The following CREB5 variants were observed in gnomAD, a reference collection of about 807,000 sequenced individuals.
CREB5 encodes the protein cyclic AMP-responsive element-binding protein 5.
A neutral mutation model predicts 57.1 loss-of-function variants in CREB5; 19 were observed. The observed-to-expected ratio is 0.33, with a 90% CI of 0.23 to 0.49. The LOEUF (loss-of-function observed/expected upper bound fraction) is 0.49, where lower values mean the gene tolerates loss of function less well. Among genes scored for constraint, CREB5 ranks in the 20% least tolerant of loss-of-function variants. The probability of loss-of-function intolerance (pLI) is 0.99; values close to 1 mark genes in which losing one functional copy is unlikely to be tolerated. For missense variants in CREB5, 579 were observed against 671.6 expected, an observed-to-expected ratio of 0.86 and a Z score of 1.52; for synonymous variants, 238 against 238.3, an observed-to-expected ratio of 1.00 and a Z score of 0.01.
chr7:28,581,448 A>G (rs1796121863), intron 5 of CREB5, among the ~76,000 whole-genome samples: 1 of 152,080 alleles, frequency 6.6e-6, no homozygotes, highest in African/African-American at 2.4e-5. Context: ...TCCAGACGTT[A>G]TTTTTCCCGT....
At chr7:28,744,624 A>G (rs1197439505) in intron 7 of CREB5, among the ~76,000 whole-genome samples, 1 of 152,120 alleles carries the variant, frequency 6.6e-6, no homozygotes, top group Non-Finnish European at 1.5e-5. Flanking sequence ...CTGGGATTAC[A>G]GGCATGAGCC....
intron 1 of CREB5, among the ~76,000 whole-genome samples, chr7:28,313,964 A>G (rs1320441085): frequency 6.6e-6 from 1 of 152,240 alleles, no homozygotes; most frequent in East Asian, 1.9e-4. Context: ...AAACATTGAC[A>G]CCACTGAAAA....
At chr7:28,560,891 T>TGCGCGCGTGC (rs1314317818) in intron 4 of CREB5, among the ~76,000 whole-genome samples, 1 of 19,726 alleles carries the variant, frequency 5.1e-5, no homozygotes, top group African/African-American at 2.2e-4. Flanking sequence ...TGCGTGCGTG[T>TGCGCGCGTGC]GTGTGCGTGC....
At chr7:28,374,245 T>G (rs893190243) in intron 1 of CREB5, among the ~76,000 whole-genome samples, 3 of 152,104 alleles carry the variant, frequency 2.0e-5, no homozygotes, top group African/African-American at 7.2e-5. Context: ...CGCACAGAAA[T>G]GGGAACCCTC....
intron 5 of CREB5, among the ~76,000 whole-genome samples, chr7:28,665,653 A>G (rs988665685): frequency 1.1e-4 from 17 of 152,176 alleles, no homozygotes; most frequent in Non-Finnish European, 1.5e-4. Flanking sequence ...TTGGCAGGAT[A>G]TAGGGGGAAC....
At chr7:28,815,460 C>T (rs1809382768) in intron 9 of CREB5, among the ~76,000 whole-genome samples, 1 of 152,118 alleles carries the variant, frequency 6.6e-6, no homozygotes, top group Admixed American at 6.5e-5. Context: ...GACTAAATGC[C>T]ACCAAAGTCA....
intron 5 of CREB5, among the ~76,000 whole-genome samples, chr7:28,718,102 T>G (rs1476997396): frequency 6.6e-6 from 1 of 152,200 alleles, no homozygotes; most frequent in Non-Finnish European, 1.5e-5. Context: ...TGAAACAGCC[T>G]AACACCTCGC....
Position 28,667,240 on chromosome 7 carries a change from C to T in CREB5, c.465-51513C>T, listed in dbSNP as rs899602226. Among the ~76,000 whole-genome samples, 5 of 151,102 alleles carry T rather than the reference C, an allele frequency of 3.3e-5. No individual in the cohort carries two copies. The South Asian group carries it at 8.4e-4, about 25-fold the overall frequency. On this transcript the variant is annotated intron_variant, in intron 5 of 10. Coordinates refer to ENST00000357727, the MANE Select transcript of CREB5 (RefSeq NM_182898.4). The stretch of plus-strand genomic sequence containing the variant: ...GAGCTGGAATGTCAATCAGAATTAT[C>T]AAGGATACTATTTATTGGCATGAGT...
At chr7:28,331,919 G>T (rs568082305) in intron 1 of CREB5, among the ~76,000 whole-genome samples, 11 of 151,324 alleles carry the variant, frequency 7.3e-5, no homozygotes, top group African/African-American at 2.7e-4. Context: ...GTAGTGAGTC[G>T]AATGATGACC....
chr7:28,806,192 C>T (rs996195874), intron 8 of CREB5, among the ~76,000 whole-genome samples: 3 of 152,100 alleles, frequency 2.0e-5, no homozygotes, highest in Admixed American at 6.5e-5. Flanking sequence ...TAGCCAATTG[C>T]CCTCTGTTTC....
chr7:28,413,126 G>A (rs1178974023), intron 1 of CREB5, among the ~76,000 whole-genome samples: 2 of 144,490 alleles, frequency 1.4e-5, no homozygotes, highest in Non-Finnish European at 3.1e-5. Flanking sequence ...GTGTGTGTGT[G>A]AATAAGACTA....
chr7:28,489,567 C>T (rs943626271), intron 2 of CREB5, among the ~76,000 whole-genome samples: 6 of 152,080 alleles, frequency 3.9e-5, no homozygotes, highest in African/African-American at 1.4e-4. Flanking sequence ...TCCCAAAGTG[C>T]TGGGATTACA....
intron 5 of CREB5, among the ~76,000 whole-genome samples, chr7:28,648,462 G>C (rs1798990295): frequency 2.0e-5 from 3 of 152,058 alleles, no homozygotes; most frequent in Admixed American, 2.0e-4. Context: ...TTGGCCGGGT[G>C]CTGTGGCTCA....
intron 7 of CREB5, among the ~76,000 whole-genome samples, chr7:28,732,720 C>CTTTTTTTTT (rs35952532): frequency 7.6e-6 from 1 of 131,914 alleles, no homozygotes; most frequent in African/African-American, 2.8e-5. Flanking sequence ...CTCTGTCTTG[C>CTTTTTTTTT]TTTTTTTTTT....
chr7:28,420,762 C>A (rs42726), intron 1 of CREB5, among the ~76,000 whole-genome samples: 7 of 147,376 alleles, frequency 4.7e-5, no homozygotes, highest in African/African-American at 1.8e-4. Context: ...GAGCTGAGAT[C>A]GCACCATTGC....
intron 7 of CREB5, among the ~76,000 whole-genome samples, chr7:28,759,409 A>G (rs1270092262): frequency 6.6e-6 from 1 of 152,242 alleles, no homozygotes; most frequent in East Asian, 1.9e-4. Flanking sequence ...CTTCTTAGAA[A>G]AATGTATTTG....
chr7:28,318,757 C>G (rs1785430619), intron 1 of CREB5, among the ~76,000 whole-genome samples: 1 of 152,102 alleles, frequency 6.6e-6, no homozygotes, highest in African/African-American at 2.4e-5. Context: ...TTAGAAGAGG[C>G]ACAGAATATC....
rs537904878 is a variant in CREB5, at chr7:28,727,560, G to GT, written c.702+3230dup. On this transcript the variant is annotated intron_variant, in intron 7 of 10. Transcript: ENST00000357727. ...GTAATGTGGTTATGGTGTTCTCAGAGTTATGTAGATATGTGTTCATTTCTA... is the reference window on the plus strand; with the variant it reads ...GTAATGTGGTTATGGTGTTCTCAGAGTTTATGTAGATATGTGTTCATTTCTA... Among the ~76,000 whole-genome samples the GT allele has an allele frequency of 4.8e-4, 73 of 152,298 alleles. 1 individual carries two copies. The South Asian group carries it at 0.015, about 31-fold the overall frequency.
At chr7:28,749,456 T>C (rs1804857145) in intron 7 of CREB5, 1 of 152,190 alleles carries the variant, frequency 6.6e-6, no homozygotes, top group Admixed American at 6.5e-5. Context: ...CACCCAGCGG[T>C]TGGAGCGTCT....
Sources: gnomAD v4.1 joint callset for allele counts (sites outside exome capture counted in the v4.1 genomes callset) on GRCh38, gnomAD v4.1.1 for gene constraint, MANE v1.5 for transcripts, NCBI Gene and HGNC (gene_info 2026-07-23, HGNC 2026-07-21) for gene names.